SZT2: variants seen among roughly 807,000 people sequenced by gnomAD.
SZT2 encodes the protein SZT2 subunit of KICSTOR complex.
In SZT2, 216 loss-of-function variants were observed where a neutral mutation model predicts 404.2. The observed-to-expected ratio is 0.53, with a 90% CI of 0.48 to 0.60. The LOEUF is 0.60. Ranked by LOEUF, SZT2 falls within the 20% of genes least tolerant of loss-of-function variation. The probability of loss-of-function intolerance (pLI) is 0.00; values close to 1 mark genes in which losing one functional copy is unlikely to be tolerated. For synonymous variants in SZT2, 1,693 were observed against 1,749.9 expected (o/e 0.97, Z 0.81); for missense variants, 3,857 against 4,459.2 (o/e 0.86, Z 3.85).
intron 36 of SZT2, 80 bp downstream of exon 36, chr1:43,431,981 T>A: frequency 6.6e-7 from 1 of 1,517,960 alleles, no homozygotes; most frequent in Non-Finnish European, 9.0e-7. Context: ...TGGAAGGCCC[T>A]CTGTTAGTTC....
intron 4 of SZT2, chr1:43,410,049 G>C (rs1557522821): frequency 6.6e-6 from 1 of 152,142 alleles, no homozygotes; most frequent in Non-Finnish European, 1.5e-5. Context: ...GCATGGTACT[G>C]GCATAAAAAC....
In SZT2 at chr1:43,420,778, C is replaced by T. The variant is rs748263030; in HGVS notation, c.1291C>T (p.Leu431=). 3.8e-6 allele frequency: 6 copies of T among 1,598,448 alleles called. No individual in the cohort carries two copies. The highest frequency in any genetic ancestry group is 5.1e-6 in the Non-Finnish European group (6 of 1,179,822). The change falls in exon 10 of 72, where the codon CTG becomes TTG. Residue 431 remains leucine, a synonymous_variant. Transcript: ENST00000634258. The surrounding 1 kb of genome is among the most constrained non-coding windows in gnomAD (Gnocchi z 5.1). The part of the protein sequence containing the change: ...GGSQLEVKLV[L]LWKHNMRIEY... Reference sequence around the variant, plus strand: ...GTCCCAATTGGAGGTAAAGCTGGTGCTGCTGTGGAAACACAACATGCGCAT... The same window carrying T: ...GTCCCAATTGGAGGTAAAGCTGGTGTTGCTGTGGAAACACAACATGCGCAT...
intron 4 of SZT2, 27 bp from the exon 5 acceptor site, chr1:43,415,054 GT>G: frequency 6.3e-7 from 1 of 1,595,338 alleles, no homozygotes; most frequent in Non-Finnish European, 8.5e-7. Flanking sequence ...TGACCGTCCT[GT>G]CTCAGTCTTT....
chr1:43,425,670 C>G lies in SZT2; in HGVS notation c.2814+28C>G. 6.2e-7 allele frequency: 1 copy of G among 1,611,424 alleles called. No individual in the cohort carries two copies. The highest frequency in any genetic ancestry group is 1.1e-5 in the South Asian group (1 of 90,982). The stretch of plus-strand genomic sequence containing the variant: ...GAGTGTCCTCAGAACAGTACCCGCA[C>G]CTCTCTCACTGGATTGGGGTGCCAT... On this transcript the variant is annotated intron_variant, in intron 19 of 71. Coordinates refer to ENST00000634258, the MANE Select transcript of SZT2 (RefSeq NM_001365999.1). This position sits in a 1 kb window ranked among gnomAD's most constrained non-coding sequence, Gnocchi z 4.3.
chr1:43,423,052 C>CAGGT, intron 14 of SZT2, 47 bp from the exon 15 acceptor site: 1 of 1,536,096 alleles, frequency 6.5e-7, no homozygotes, highest in Non-Finnish European at 8.7e-7. Context: ...TTCTCCCAGA[C>CAGGT]CTGTAGGAGA....
chr1:43,425,252 TCTC>T lies in SZT2; in HGVS notation c.2645+47_2645+49del. The T allele has an allele frequency of 6.2e-7, 1 of 1,607,226 alleles. No homozygotes were observed. Among genetic ancestry groups the T allele is most frequent in the Non-Finnish European group, 8.5e-7 (1 of 1,174,372 alleles). On this transcript the variant is annotated intron_variant, in intron 18 of 71. Transcript: ENST00000634258. This position sits in a 1 kb window ranked among gnomAD's most constrained non-coding sequence, Gnocchi z 4.3. ...AGGGCCGCCTCTGCAGAGTCAGCCT[TCTC>T]CCCACCATCCCCTAGAGGTCTGGCT... is the stretch of plus-strand genomic sequence containing the variant.
In SZT2 at chr1:43,451,547, G is replaced by A. The variant is rs759629895; in HGVS notation, c.*1067G>A. ...GACCTGTGCCACCTGCACATGCCCT[G>A]GGGACAGATGTGGACAAATGTGGGG... On this transcript the variant is annotated 3_prime_UTR_variant, in exon 72 of 72. Coordinates refer to ENST00000634258, the MANE Select transcript of SZT2 (RefSeq NM_001365999.1). 4 of 1,613,810 alleles carry A rather than the reference G, an allele frequency of 2.5e-6. No individual in the cohort carries two copies. Among genetic ancestry groups the A allele is most frequent in the Non-Finnish European group, 3.4e-6 (4 of 1,179,840 alleles).
Position 43,443,805 on chromosome 1 carries a change from G to T in SZT2, c.8825+9G>T. ...CCCTCACCCGCCCGCAGGTGAGCCC[G>T]TCCCTGTTTTCCCTTCTGTCTTCTC... is the stretch of plus-strand genomic sequence containing the variant. On this transcript the variant is annotated intron_variant, in intron 62 of 71. Coordinates refer to ENST00000634258, the MANE Select transcript of SZT2 (RefSeq NM_001365999.1). 1 of 1,612,838 alleles carries T rather than the reference G, an allele frequency of 6.2e-7. No homozygotes were observed. Among genetic ancestry groups the T allele is most frequent in the Non-Finnish European group, 8.5e-7 (1 of 1,179,958 alleles).
intron 26 of SZT2, 87 bp downstream of exon 26, chr1:43,427,821 TA>T (rs1248116595): frequency 2.0e-6 from 3 of 1,482,766 alleles, no homozygotes; most frequent in African/African-American, 2.8e-5. Flanking sequence ...CGTGGGCAGG[TA>T]AGTTGCTGCC....
rs1655880124 is a variant in SZT2, at chr1:43,447,924, T to C, written c.9516T>C (p.Cys3172=). The part of the protein sequence containing the change: ...DFDVSLLVCH[C]AAPFEEQGEA... ...ATGTGTCTCTGCTTGTCTGTCACTGTGCTGCACCCTTTGAGGAGCAAGGAG... is the reference window on the plus strand; with the variant it reads ...ATGTGTCTCTGCTTGTCTGTCACTGCGCTGCACCCTTTGAGGAGCAAGGAG... Residue 3172 remains cysteine, a synonymous_variant, in exon 68 of 72, where the codon TGT becomes TGC. Transcript: ENST00000634258. 1 of 1,614,094 alleles carries C rather than the reference T, an allele frequency of 6.2e-7. No homozygotes were observed. The highest frequency in any genetic ancestry group is 8.5e-7 in the Non-Finnish European group (1 of 1,180,010).
Position 43,403,653 on chromosome 1 carries a change from A to C in SZT2, c.206A>C (p.Gln69Pro). 1 of 1,614,210 alleles carries C rather than the reference A, an allele frequency of 6.2e-7. No individual in the cohort carries two copies. Among genetic ancestry groups the C allele is most frequent in the Non-Finnish European group, 8.5e-7 (1 of 1,180,040 alleles). ...CTCAGTGTCCTGCCCCCTGGGTGGC[A>C]GCCAGATGAACCAGTGGTCCCAAGG... The part of the protein sequence containing the change: ...EVLSVLPPGW[Q>P]PDEPVVPRPF... Residue 69 changes from glutamine to proline, a missense_variant, in exon 3 of 72, where the codon CAG (glutamine) becomes CCG (proline). Gln to Pro is a moderately conservative substitution (Grantham distance 76). Around this residue, in one of 7 missense-constraint regions of SZT2, gnomAD observed 536 missense variants for 637.4 expected, o/e 0.84. Transcript: ENST00000634258.
At position 43,420,141 on chromosome 1, in the gene SZT2, C is replaced by T; in HGVS notation, c.1091-12C>T. On this transcript the variant is annotated splice_polypyrimidine_tract_variant and intron_variant, in intron 8 of 71. Coordinates refer to ENST00000634258, the MANE Select transcript of SZT2 (RefSeq NM_001365999.1). This position sits in a 1 kb window ranked among gnomAD's most constrained non-coding sequence, Gnocchi z 5.1. ...ACCAGTTTCTCCTTCCCCATCTCCA[C>T]TGGTCTTCCAGGCTCTCAGCACCGC... 6.3e-7 allele frequency: 1 copy of T among 1,597,916 alleles called. No homozygotes were observed. Among genetic ancestry groups the T allele is most frequent in the Non-Finnish European group, 8.5e-7 (1 of 1,179,472 alleles).
In SZT2 at chr1:43,453,537, C is replaced by A; in HGVS notation, c.*3057C>A. The A allele has an allele frequency of 6.6e-7, 1 of 1,524,000 alleles. No individual in the cohort carries two copies. The highest frequency in any genetic ancestry group is 8.8e-7 in the Non-Finnish European group (1 of 1,131,838). 94.4% of individuals were successfully genotyped at this position (1,524,000 alleles called of 1,614,324 possible). On this transcript the variant is annotated 3_prime_UTR_variant, in exon 72 of 72. Transcript: ENST00000634258. ...GGCCTCAGCCCCCGGCTCGGACACT[C>A]CCCTGCCCGCGCCCCGGCACCCCCC...
At chr1:43,415,024 TGTA>T in intron 4 of SZT2, 55 bp from the exon 5 acceptor site, 1 of 1,567,620 alleles carries the variant, frequency 6.4e-7, no homozygotes, top group Admixed American at 1.7e-5. Context: ...AGAGCAGAAG[TGTA>T]GTGGTCTGTG....
chr1:43,413,638 C>A (rs1006346581), intron 4 of SZT2, among the ~76,000 whole-genome samples: 23 of 152,158 alleles, frequency 1.5e-4, no homozygotes, highest in African/African-American at 5.3e-4. Flanking sequence ...AGAATGAGAT[C>A]CTGTCATTTG....
chr1:43,427,858 T>A (rs1417996937), intron 26 of SZT2, 124 bp downstream of exon 26: 13 of 1,359,490 alleles, frequency 9.6e-6, no homozygotes, highest in Non-Finnish European at 1.2e-5. Context: ...CTTGCTTGAT[T>A]TCCCTCAGCA....
At chr1:43,445,086 C>G (rs1349345112) in intron 62 of SZT2, among the ~76,000 whole-genome samples, 1 of 152,158 alleles carries the variant, frequency 6.6e-6, no homozygotes, top group Non-Finnish European at 1.5e-5. Flanking sequence ...ATCTTGACAG[C>G]CAGTTCCCAG....
At chr1:43,436,280 C>T (rs1240798214) in intron 42 of SZT2, 1 of 152,224 alleles carries the variant, frequency 6.6e-6, no homozygotes, top group Non-Finnish European at 1.5e-5. Flanking sequence ...CATCTCTCAG[C>T]ACATCCTGGG....
Position 43,448,015 on chromosome 1 carries a change from C to T in SZT2, c.9563+44C>T. ...TTGAACATGCCCATTTCCCAGCCTG[C>T]CCCACCCTGCCCTGTGTGTCTCTTG... On this transcript the variant is annotated intron_variant, in intron 68 of 71. Transcript: ENST00000634258. The surrounding 1 kb of genome is among the most constrained non-coding windows in gnomAD (Gnocchi z 4.2). The T allele has an allele frequency of 2.5e-6, 4 of 1,611,782 alleles. No homozygotes were observed. The highest frequency in any genetic ancestry group is 3.4e-6 in the Non-Finnish European group (4 of 1,178,636).
Sources: gnomAD v4.1 joint callset for allele counts (sites outside exome capture counted in the v4.1 genomes callset) on GRCh38, gnomAD v4.1.1 for gene constraint, gnomAD v4.1.1 regional missense constraint, Gnocchi (gnomAD v3.1) non-coding constraint, MANE v1.5 for transcripts, NCBI Gene and HGNC (gene_info 2026-07-23, HGNC 2026-07-21) for gene names.